Variants in EBF2 observed in about 807,000 individuals in gnomAD.
EBF2 encodes the protein EBF transcription factor 2.
A neutral mutation model predicts 72.8 loss-of-function variants in EBF2; 21 were observed. That is an observed-to-expected ratio of 0.29 (90% CI 0.20 to 0.42). The LOEUF (loss-of-function observed/expected upper bound fraction) is 0.42. Ranked by LOEUF, EBF2 falls within the 10% of genes least tolerant of loss-of-function variation. EBF2 has a pLI of 1.00. For missense variants in EBF2, 637 were observed against 731.2 expected, an observed-to-expected ratio of 0.87 and a Z score of 1.49; for synonymous variants, 299 against 274.2, an observed-to-expected ratio of 1.09 and a Z score of -0.89.
intron 3 of EBF2, 83 bp downstream of exon 3, chr8:26,040,856 A>G: frequency 1.3e-6 from 2 of 1,582,648 alleles, no homozygotes; most frequent in Non-Finnish European, 1.7e-6. Flanking sequence ...GCGATCCCTG[A>G]GAGTGATCAT....
rs941057880 is a variant in EBF2, at chr8:26,020,431, T to G, written c.551+12654A>C. Reference sequence around the variant, plus strand: ...GGGACACCTACAGTGAAACCAGCATTTTATTCTTCATCGGGGAATGAAAAG... The same window carrying G: ...GGGACACCTACAGTGAAACCAGCATGTTATTCTTCATCGGGGAATGAAAAG... On this transcript the variant is annotated intron_variant, in intron 6 of 15. Coordinates refer to ENST00000520164, the MANE Select transcript of EBF2 (RefSeq NM_022659.4). Among the ~76,000 whole-genome samples the G allele has an allele frequency of 3.3e-5, 5 of 152,322 alleles. No homozygotes were observed. The East Asian group carries it at 9.6e-4, about 29-fold the overall frequency.
chr8:25,929,292 C>T (rs563292281), intron 6 of EBF2, among the ~76,000 whole-genome samples: 7 of 152,318 alleles, frequency 4.6e-5, no homozygotes, highest in Admixed American at 1.3e-4. Context: ...GTGAACAGGG[C>T]ATCCTGGCTC....
intron 6 of EBF2, among the ~76,000 whole-genome samples, chr8:25,950,022 G>A (rs117253365): frequency 6.6e-6 from 1 of 152,210 alleles, no homozygotes; most frequent in Non-Finnish European, 1.5e-5. Context: ...GATTCTACTT[G>A]AGGAAGACAA....
intron 6 of EBF2, among the ~76,000 whole-genome samples, chr8:25,951,771 C>T (rs1313227734): frequency 6.6e-6 from 1 of 152,064 alleles, no homozygotes; most frequent in Admixed American, 6.5e-5. Flanking sequence ...CCAAGCATTC[C>T]CCCTATTTTA....
intron 6 of EBF2, among the ~76,000 whole-genome samples, chr8:25,977,916 T>C (rs1005810979): frequency 6.6e-6 from 1 of 152,216 alleles, no homozygotes; most frequent in Non-Finnish European, 1.5e-5. Context: ...GGATCATTAT[T>C]ATTTCATTAT....
chr8:26,027,184 G>C (rs982409228), intron 6 of EBF2, among the ~76,000 whole-genome samples: 2 of 152,106 alleles, frequency 1.3e-5, no homozygotes, highest in African/African-American at 4.8e-5. Context: ...TCTCTACCAT[G>C]ATTCTCTAAA....
chr8:25,886,086 C>T (rs1396558218), intron 10 of EBF2, among the ~76,000 whole-genome samples: 2 of 152,158 alleles, frequency 1.3e-5, no homozygotes, highest in Non-Finnish European at 2.9e-5. Context: ...TCCATCTCTT[C>T]CTTGGCACCT....
intron 15 of EBF2, among the ~76,000 whole-genome samples, chr8:25,850,109 A>T (rs906644720): frequency 2.6e-4 from 39 of 152,236 alleles, no homozygotes; most frequent in African/African-American, 4.8e-4. Context: ...CTTACTTTTT[A>T]AAAAAATTTG....
Position 25,843,007 on chromosome 8 carries a change from A to C in EBF2, c.*1602T>G, listed in dbSNP as rs796128442. 8 of 152,316 alleles carry C rather than the reference A, an allele frequency of 5.3e-5. No individual in the cohort carries two copies. The highest frequency in any genetic ancestry group is 1.9e-4 in the African/African-American group (8 of 41,582). The allele number at this position is 152,316 out of a possible 1,614,324, so 9.4% of individuals were successfully genotyped here. A position where few individuals can be genotyped will look rare whatever the true frequency, so the allele number is the denominator to read the frequency against. On this transcript the variant is annotated 3_prime_UTR_variant, in exon 16 of 16. Coordinates refer to ENST00000520164, the MANE Select transcript of EBF2 (RefSeq NM_022659.4). Reference sequence around the variant, plus strand: ...GGAAACAAGTGACATCTTTATTGGCAATCCCAATATGCCTGGATATGTCTC... The same window carrying C: ...GGAAACAAGTGACATCTTTATTGGCCATCCCAATATGCCTGGATATGTCTC...
At chr8:25,964,825 C>T (rs1199582560) in intron 6 of EBF2, among the ~76,000 whole-genome samples, 1 of 152,216 alleles carries the variant, frequency 6.6e-6, no homozygotes, top group Non-Finnish European at 1.5e-5. Context: ...TAAAGGTAAA[C>T]TGAGTTATCT....
chr8:25,865,893 C>T (rs1236389455), intron 10 of EBF2, among the ~76,000 whole-genome samples: 1 of 151,688 alleles, frequency 6.6e-6, no homozygotes, highest in Non-Finnish European at 1.5e-5. Context: ...GGCGTGGTGG[C>T]GGGTGCCTGT....
intron 6 of EBF2, among the ~76,000 whole-genome samples, chr8:25,959,054 G>A (rs1244860567): frequency 6.6e-6 from 1 of 152,182 alleles, no homozygotes; most frequent in African/African-American, 2.4e-5. Flanking sequence ...GACCCCGAGG[G>A]GAGGATGAGC....
At position 25,861,087 on chromosome 8, in the gene EBF2, C is replaced by G. The variant is rs1357075061; in HGVS notation, c.1304G>C (p.Gly435Ala). Residue 435 changes from glycine (G) to alanine (A), a missense_variant, in exon 13 of 16, where the codon GGG (glycine) becomes GCG (alanine). Gly to Ala is a moderately conservative substitution (Grantham distance 60). This residue lies in a region of EBF2 where 259 missense variants were observed against 268.1 expected (regional missense o/e 0.97). Coordinates refer to ENST00000520164, the MANE Select transcript of EBF2 (RefSeq NM_022659.4). Reference protein sequence around the residue: ...MGINSYGSQLGVSISESTQGN... With the variant: ...MGINSYGSQLAVSISESTQGN... ...TTGTGTTGACTCTGAGATGCTGACC[C>G]CAAGCTGGCTGCCATAGGAGTTGAT... The G allele has an allele frequency of 6.2e-7, 1 of 1,614,126 alleles. No individual in the cohort carries two copies. The highest frequency in any genetic ancestry group is 8.5e-7 in the Non-Finnish European group (1 of 1,180,032).
intron 6 of EBF2, among the ~76,000 whole-genome samples, chr8:25,956,216 C>A (rs551747119): frequency 3.9e-5 from 6 of 152,026 alleles, no homozygotes; most frequent in Admixed American, 3.3e-4. Flanking sequence ...GTCGGGAGTT[C>A]GAGACCAGCC....
At chr8:25,942,198 T>C (rs536100745) in intron 6 of EBF2, among the ~76,000 whole-genome samples, 4 of 152,336 alleles carry the variant, frequency 2.6e-5, no homozygotes, top group East Asian at 1.9e-4. Flanking sequence ...TGCCTTCCCA[T>C]TGGAAAACTA....
intron 6 of EBF2, among the ~76,000 whole-genome samples, chr8:25,944,926 T>C (rs1374037819): frequency 6.6e-6 from 1 of 152,070 alleles, no homozygotes; most frequent in Non-Finnish European, 1.5e-5. Context: ...TAAGACAGGA[T>C]ACCAGTGTTC....
chr8:26,006,356 A>G (rs1437935640), intron 6 of EBF2, among the ~76,000 whole-genome samples: 2 of 152,312 alleles, frequency 1.3e-5, no homozygotes, highest in African/African-American at 4.8e-5. Flanking sequence ...ATTTTTCCAC[A>G]TTGCTAGACA....
chr8:25,889,724 C>T, intron 8 of EBF2, 28 bp downstream of exon 8: 1 of 1,552,374 alleles, frequency 6.4e-7, no homozygotes, highest in South Asian at 1.1e-5. Flanking sequence ...TTTCATGTGT[C>T]TGCTATGCTG....
At chr8:25,880,481 C>T (rs1021929559) in intron 10 of EBF2, among the ~76,000 whole-genome samples, 2 of 152,164 alleles carry the variant, frequency 1.3e-5, no homozygotes, top group African/African-American at 4.8e-5. Context: ...ATTTGTTAAG[C>T]ATTCCATCTT....
Sources: gnomAD v4.1 joint callset for allele counts (sites outside exome capture counted in the v4.1 genomes callset) on GRCh38, gnomAD v4.1.1 for gene constraint, gnomAD v4.1.1 regional missense constraint, MANE v1.5 for transcripts, NCBI Gene and HGNC (gene_info 2026-07-23, HGNC 2026-07-21) for gene names.